CEP57L1: variants seen among roughly 807,000 people sequenced by gnomAD.
CEP57L1 encodes the protein centrosomal protein 57 like 1, also known as centrosomal protein CEP57L1.
CEP57L1 carries 37 observed loss-of-function variants against 61.0 expected under a neutral mutation model. The ratio of observed to expected loss-of-function variants is 0.61; its 90% confidence interval spans 0.47 to 0.80. The LOEUF is 0.80. CEP57L1 is among the 30% of genes least tolerant of loss of function. CEP57L1 has a pLI of 0.00. For missense variants in CEP57L1, 422 were observed against 524.7 expected (o/e 0.80, Z 1.91); for synonymous variants, 137 against 162.3 (o/e 0.84, Z 1.19).
At chr6:109,150,348 G>A in intron 4 of CEP57L1, 109 bp downstream of exon 4, 1 of 1,304,806 alleles carries the variant, frequency 7.7e-7, no homozygotes, top group Non-Finnish European at 1.1e-6. Flanking sequence ...GTTAGAATGA[G>A]GTCTAACTTA....
At chr6:109,136,469 A>G (rs1353845089) in intron 1 of CEP57L1, among the ~76,000 whole-genome samples, 1 of 152,000 alleles carries the variant, frequency 6.6e-6, no homozygotes, top group Admixed American at 6.6e-5. Flanking sequence ...AATGTAAATG[A>G]CGAGTTAATG....
intron 1 of CEP57L1, among the ~76,000 whole-genome samples, chr6:109,135,533 A>G (rs1376268761): frequency 3.3e-5 from 5 of 152,126 alleles, no homozygotes; most frequent in Non-Finnish European, 2.9e-5. Flanking sequence ...AACACCAAAA[A>G]CAATGGCAAC....
intron 1 of CEP57L1, among the ~76,000 whole-genome samples, chr6:109,106,655 A>G (rs1298739885): frequency 6.6e-6 from 1 of 152,152 alleles, no homozygotes; most frequent in East Asian, 1.9e-4. Context: ...AAGACCAGGC[A>G]TGATAGCTCA....
intron 1 of CEP57L1, among the ~76,000 whole-genome samples, chr6:109,139,768 G>A (rs1442873290): frequency 1.2e-4 from 18 of 151,624 alleles, no homozygotes; most frequent in African/African-American, 3.6e-4. Context: ...GATTACAGAC[G>A]TGAGCCACCA....
At chr6:109,096,404 C>A (rs1781713565) in intron 1 of CEP57L1, among the ~76,000 whole-genome samples, 1 of 152,086 alleles carries the variant, frequency 6.6e-6, no homozygotes, top group African/African-American at 2.4e-5. Context: ...GATGACTTAG[C>A]CCAATCTTGG....
intron 1 of CEP57L1, among the ~76,000 whole-genome samples, chr6:109,143,295 C>T (rs1244679325): frequency 6.6e-6 from 1 of 152,150 alleles, no homozygotes; most frequent in Non-Finnish European, 1.5e-5. Context: ...TATTTTGGAT[C>T]AAGCCTTTTG....
rs1359622243 is a variant in CEP57L1, at chr6:109,171,075, G to A, written c.*8105G>A. Among the ~76,000 whole-genome samples the A allele has an allele frequency of 6.6e-6, 1 of 151,554 alleles. No individual in the cohort carries two copies. Among genetic ancestry groups the A allele is most frequent in the African/African-American group, 2.4e-5 (1 of 41,052 alleles). ...TCTCTCAAGGTATGATTTAAATGGTGGACACTTAAGCCAAAATTTCAAACA... is the reference window on the plus strand; with the variant it reads ...TCTCTCAAGGTATGATTTAAATGGTAGACACTTAAGCCAAAATTTCAAACA... On this transcript the variant is annotated 3_prime_UTR_variant, in exon 11 of 11. Coordinates refer to ENST00000517392, the MANE Select transcript of CEP57L1 (RefSeq NM_001271852.3).
rs1774296631 is a variant in CEP57L1 at position 109,169,275 on chromosome 6, G to A, written c.*6305G>A. Among the ~76,000 whole-genome samples, 1 of 150,966 alleles carries A rather than the reference G, an allele frequency of 6.6e-6. No homozygotes were observed. Among genetic ancestry groups the A allele is most frequent in the Non-Finnish European group, 1.5e-5 (1 of 67,740 alleles). On this transcript the variant is annotated 3_prime_UTR_variant, in exon 11 of 11. Coordinates refer to ENST00000517392, the MANE Select transcript of CEP57L1 (RefSeq NM_001271852.3). The stretch of plus-strand genomic sequence containing the variant: ...TCAGAGTGCATCACACATAATTAAG[G>A]TAGCTTATGTTTTGTGAAACTTTGT...
At chr6:109,113,343 G>C (rs1026856968) in intron 1 of CEP57L1, among the ~76,000 whole-genome samples, 1 of 151,860 alleles carries the variant, frequency 6.6e-6, no homozygotes, top group Non-Finnish European at 1.5e-5. Context: ...CAAAATTTTT[G>C]TGTTCATTTA....
chr6:109,100,690 AAAG>A (rs1397724038), intron 1 of CEP57L1, among the ~76,000 whole-genome samples: 1 of 148,932 alleles, frequency 6.7e-6, no homozygotes, highest in African/African-American at 2.6e-5. Context: ...AAAAAAAAAA[AAAG>A]AAGAAAGAAA....
At position 109,139,273 on chromosome 6, in the gene CEP57L1, A is replaced by G. The variant is rs151030261; in HGVS notation, c.-3-5946A>G. Among the ~76,000 whole-genome samples, 11 of 152,250 alleles carry G rather than the reference A, an allele frequency of 7.2e-5. No homozygotes were observed. The East Asian group carries it at 2.1e-3, about 29-fold the overall frequency. Reference sequence around the variant, plus strand: ...CATCATGGTATTCAGAACGGAGCACAATTTAAAACTTATGAATGGTTTCTG... The same window carrying G: ...CATCATGGTATTCAGAACGGAGCACGATTTAAAACTTATGAATGGTTTCTG... On this transcript the variant is annotated intron_variant, in intron 1 of 10. Coordinates refer to ENST00000517392, the MANE Select transcript of CEP57L1 (RefSeq NM_001271852.3).
chr6:109,156,553 A>G (rs953031194), intron 7 of CEP57L1: 1 of 152,088 alleles, frequency 6.6e-6, no homozygotes, highest in African/African-American at 2.4e-5. Context: ...AATGGTATGA[A>G]AAAAGTTTTT....
chr6:109,152,108 A>C (rs1463378870), intron 4 of CEP57L1, among the ~76,000 whole-genome samples: 1 of 152,158 alleles, frequency 6.6e-6, no homozygotes, highest in Non-Finnish European at 1.5e-5. Context: ...ACTAAATGTT[A>C]TTAAACCACA....
intron 1 of CEP57L1, among the ~76,000 whole-genome samples, chr6:109,117,707 A>T (rs1379945565): frequency 2.6e-5 from 4 of 152,248 alleles, no homozygotes; most frequent in Non-Finnish European, 4.4e-5. Flanking sequence ...TTAGGAAATT[A>T]TGCAGATTCT....
At chr6:109,150,840 G>A (rs151313132) in intron 4 of CEP57L1, among the ~76,000 whole-genome samples, 31 of 152,106 alleles carry the variant, frequency 2.0e-4, no homozygotes, top group Middle Eastern at 3.4e-3. Context: ...TTCTATGCCC[G>A]GGGGAAGTAT....
intron 1 of CEP57L1, among the ~76,000 whole-genome samples, chr6:109,118,827 A>G (rs1197479402): frequency 6.6e-6 from 1 of 152,208 alleles, no homozygotes; most frequent in Admixed American, 6.5e-5. Flanking sequence ...TTGGAGCTCC[A>G]CATAGCTTTT....
chr6:109,095,411 G>T (rs952840472), upstream of CEP57L1: 1 of 985,784 alleles, frequency 1.0e-6, no homozygotes, highest in African/African-American at 1.7e-5. Context: ...ATTTAAGTCG[G>T]TAGGACGTCT....
intron 1 of CEP57L1, among the ~76,000 whole-genome samples, chr6:109,104,103 A>G (rs958911930): frequency 8.6e-5 from 13 of 151,428 alleles, no homozygotes; most frequent in African/African-American, 2.4e-4. Flanking sequence ...TGGCACAGTC[A>G]TATATTGTCT....
chr6:109,111,985 C>CT (rs1562506015), intron 1 of CEP57L1, among the ~76,000 whole-genome samples: 1 of 152,084 alleles, frequency 6.6e-6, no homozygotes, highest in Admixed American at 6.5e-5. Context: ...CTGAAATTTT[C>CT]TTTTTTTGTT....
Sources: gnomAD v4.1 joint callset for allele counts (sites outside exome capture counted in the v4.1 genomes callset) on GRCh38, gnomAD v4.1.1 for gene constraint, MANE v1.5 for transcripts, NCBI Gene and HGNC (gene_info 2026-07-23, HGNC 2026-07-21) for gene names.